The following ZNF396 variants were observed in gnomAD, a reference collection of about 807,000 sequenced individuals.
ZNF396 encodes zinc finger and SCAN domain-containing protein 14.
A neutral mutation model predicts 20.5 loss-of-function variants in ZNF396; 14 were observed. The observed-to-expected ratio is 0.68, with a 90% CI of 0.45 to 1.07. The LOEUF is 1.07. ZNF396 is among the 50% of genes least tolerant of loss of function. The probability of loss-of-function intolerance (pLI) is 0.00; values close to 1 mark genes in which losing one functional copy is unlikely to be tolerated. For missense variants in ZNF396, 347 were observed against 390.1 expected, an observed-to-expected ratio of 0.89 and a Z score of 0.93; for synonymous variants, 119 against 140.6, an observed-to-expected ratio of 0.85 and a Z score of 1.08.
At chr18:35,372,094 A>G (rs1348389937) in intron 3 of ZNF396, 1 of 152,132 alleles carries the variant, frequency 6.6e-6, no homozygotes, top group Non-Finnish European at 1.5e-5. Context: ...TCTGCCTTGT[A>G]CTGCAAGATC....
chr18:35,370,756 G>A (rs964872045), intron 3 of ZNF396, among the ~76,000 whole-genome samples: 5 of 151,772 alleles, frequency 3.3e-5, no homozygotes, highest in East Asian at 1.9e-4. Flanking sequence ...CTCGTGATCC[G>A]CCCGCCTCGG....
Position 35,368,403 on chromosome 18 carries a change from A to T in ZNF396, c.*812T>A. The T allele has an allele frequency of 6.9e-7, 1 of 1,457,214 alleles. No homozygotes were observed. Among genetic ancestry groups the T allele is most frequent in the Non-Finnish European group, 9.1e-7 (1 of 1,097,408 alleles). The allele number at this position is 1,457,214 out of a possible 1,614,324, so 90.3% of individuals were successfully genotyped here. A position where few individuals can be genotyped will look rare whatever the true frequency, so the allele number is the denominator to read the frequency against. ...GCACTTCAGCCTAGTCTTGAAGTAC[A>T]TATTCTTTTGGGCCTCTGCAATCGC... On this transcript the variant is annotated 3_prime_UTR_variant, in exon 4 of 4. Coordinates refer to ENST00000589332, the MANE Select transcript of ZNF396 (RefSeq NM_001322286.2).
intron 3 of ZNF396, among the ~76,000 whole-genome samples, 166 bp from the exon 4 acceptor site, chr18:35,369,826 C>G (rs901569339): frequency 6.6e-6 from 1 of 152,040 alleles, no homozygotes; most frequent in South Asian, 2.1e-4. Flanking sequence ...GGTTTACATA[C>G]TGAGGAGGCA....
chr18:35,367,814 T>C lies in ZNF396; in HGVS notation c.*1401A>G, dbSNP rs1188454670. ...AAGGGACTGCAGTGGACCCTTTAAA[T>C]TGAACTTCAGTGATTTGTCCATATG... is the stretch of plus-strand genomic sequence containing the variant. On this transcript the variant is annotated 3_prime_UTR_variant, in exon 4 of 4. Transcript: ENST00000589332. The C allele has an allele frequency of 1.3e-5, 2 of 152,238 alleles. No homozygotes were observed. Among genetic ancestry groups the C allele is most frequent in the Non-Finnish European group, 2.9e-5 (2 of 68,048 alleles). 9.4% of individuals were successfully genotyped at this position (152,238 alleles called of 1,614,324 possible).
intron 1 of ZNF396, among the ~76,000 whole-genome samples, chr18:35,376,584 A>G (rs1473669905): frequency 1.3e-5 from 2 of 152,178 alleles, no homozygotes; most frequent in Non-Finnish European, 2.9e-5. Context: ...GGCGGCAGGC[A>G]GCCGCGCTCC....
intron 3 of ZNF396, 92 bp from the exon 4 acceptor site, chr18:35,369,752 C>A: frequency 7.7e-7 from 1 of 1,306,836 alleles, no homozygotes; most frequent in South Asian, 1.5e-5. Context: ...TAAAACAACA[C>A]ACAATGTGAA....
chr18:35,370,701 G>C (rs2143897896), intron 3 of ZNF396, among the ~76,000 whole-genome samples: 1 of 151,074 alleles, frequency 6.6e-6, no homozygotes, highest in Middle Eastern at 3.4e-3. Flanking sequence ...TTTTAGTAGA[G>C]ACGGGGTTTC....
intron 2 of ZNF396, 109 bp from the exon 3 acceptor site, chr18:35,373,709 G>A (rs982763174): frequency 6.6e-7 from 1 of 1,513,090 alleles, no homozygotes; most frequent in Non-Finnish European, 8.9e-7. Context: ...GGAAAAGGGA[G>A]GGAAAAAGTA....
chr18:35,373,581 T>C lies in ZNF396; in HGVS notation c.437A>G (p.Lys146Arg). The C allele has an allele frequency of 2.5e-6, 4 of 1,614,078 alleles. No homozygotes were observed. Among genetic ancestry groups the C allele is most frequent in the Non-Finnish European group, 2.5e-6 (3 of 1,179,982 alleles). Residue 146 changes from lysine to arginine, a missense_variant, in exon 3 of 4, where the codon AAG becomes AGG. Lys to Arg is a conservative substitution (Grantham distance 26, BLOSUM62 2). Transcript: ENST00000589332. Reference protein sequence around the residue: ...GPKQIFFGRRKDMIAEKLAPS... With the variant: ...GPKQIFFGRRRDMIAEKLAPS... The stretch of plus-strand genomic sequence containing the variant: ...TGCTAGCTTCTCTGCAATCATGTCC[T>C]TCCTTCGTCCAAAAAAGATCTAAAA...
At position 35,367,122 on chromosome 18, in the gene ZNF396, G is replaced by C. The variant is rs2045107298; in HGVS notation, c.*2093C>G. 1 of 152,110 alleles carries C rather than the reference G, an allele frequency of 6.6e-6. No individual in the cohort carries two copies. The highest frequency in any genetic ancestry group is 1.5e-5 in the Non-Finnish European group (1 of 68,024). The allele number at this position is 152,110 out of a possible 1,614,324, so 9.4% of individuals were successfully genotyped here. A position where few individuals can be genotyped will look rare whatever the true frequency, so the allele number is the denominator to read the frequency against. On this transcript the variant is annotated 3_prime_UTR_variant, in exon 4 of 4. Coordinates refer to ENST00000589332, the MANE Select transcript of ZNF396 (RefSeq NM_001322286.2). ...CACTTGTTGTTTCAATAGATGGTTT[G>C]TTCCTCTCCGTAATTACAAAGACAA...
At chr18:35,375,500 CA>C (rs574035031) in intron 1 of ZNF396, among the ~76,000 whole-genome samples, 73 of 152,102 alleles carry the variant, frequency 4.8e-4, no homozygotes, top group African/African-American at 1.7e-3. Context: ...AAGCATGTCC[CA>C]AGGCCTCTGC....
In ZNF396 at chr18:35,369,583, C is replaced by T; in HGVS notation, c.640G>A (p.Val214Ile). The T allele has an allele frequency of 1.2e-6, 2 of 1,614,174 alleles. No individual in the cohort carries two copies. Among genetic ancestry groups the T allele is most frequent in the South Asian group, 1.1e-5 (1 of 91,074 alleles). The stretch of plus-strand genomic sequence containing the variant: ...CCATTCATATGAAGGATATTGGAAA[C>T]ATTGCAATGCAGTTCTATGCCTAAA... ...TSLGIELHCN[V>I]SNILHMNGSQ... The change falls in exon 4 of 4, where the codon GTT becomes ATT. Residue 214 changes from valine to isoleucine, a missense_variant. Physicochemically the swap from Val to Ile is conservative, Grantham distance 29. Coordinates refer to ENST00000589332, the MANE Select transcript of ZNF396 (RefSeq NM_001322286.2).
intron 2 of ZNF396, 33 bp downstream of exon 2, chr18:35,373,843 C>T: frequency 6.3e-7 from 1 of 1,584,904 alleles, no homozygotes; most frequent in Non-Finnish European, 8.6e-7. Context: ...TTGACTCAGC[C>T]TGGGGGTTCA....
intron 1 of ZNF396, among the ~76,000 whole-genome samples, chr18:35,376,870 G>T (rs1369378806): frequency 6.6e-6 from 1 of 152,162 alleles, no homozygotes; most frequent in Non-Finnish European, 1.5e-5. Flanking sequence ...GGACGCAGGG[G>T]TCTTTCTGCA....
chr18:35,368,988 A>G lies in ZNF396; in HGVS notation c.*227T>C. On this transcript the variant is annotated 3_prime_UTR_variant, in exon 4 of 4. Transcript: ENST00000589332. ...GGCCTGCATAGGGATGGAAATCTGA[A>G]TTAAGCTTTGGAATTGCAAACGTCA... 1 of 1,314,308 alleles carries G rather than the reference A, an allele frequency of 7.6e-7. No individual in the cohort carries two copies. The highest frequency in any genetic ancestry group is 9.6e-7 in the Non-Finnish European group (1 of 1,037,016). The allele number at this position is 1,314,308 out of a possible 1,614,324, so 81.4% of individuals were successfully genotyped here. A position where few individuals can be genotyped will look rare whatever the true frequency, so the allele number is the denominator to read the frequency against.
intron 3 of ZNF396, chr18:35,372,242 A>C (rs1287392091): frequency 6.6e-6 from 1 of 152,110 alleles, no homozygotes; most frequent in Non-Finnish European, 1.5e-5. Flanking sequence ...TGTAGTCACC[A>C]CCACACCAAG....
chr18:35,374,749 G>T lies in ZNF396; in HGVS notation c.-72-385C>A. ...TGACCTCAGGTGATCCACCCGCCTT[G>T]GCCTCCTGAGGTGCTGGGATTACAG... is the stretch of plus-strand genomic sequence containing the variant. On this transcript the variant is annotated intron_variant, in intron 1 of 3. Transcript: ENST00000589332. The surrounding 1 kb of genome is among the most constrained non-coding windows in gnomAD (Gnocchi z 4.3). The T allele has an allele frequency of 6.3e-6, 1 of 157,740 alleles. No homozygotes were observed. The highest frequency in any genetic ancestry group is 1.8e-4 in the South Asian group (1 of 5,524). 9.8% of individuals were successfully genotyped at this position (157,740 alleles called of 1,614,324 possible).
At position 35,367,290 on chromosome 18, in the gene ZNF396, A is replaced by C. The variant is rs916927227; in HGVS notation, c.*1925T>G. The C allele has an allele frequency of 6.6e-5, 10 of 152,318 alleles. No homozygotes were observed. Among genetic ancestry groups the C allele is most frequent in the Non-Finnish European group, 1.3e-4 (9 of 68,022 alleles). 9.4% of individuals were successfully genotyped at this position (152,318 alleles called of 1,614,324 possible). A position where few individuals can be genotyped will look rare whatever the true frequency, so the allele number is the denominator to read the frequency against. On this transcript the variant is annotated 3_prime_UTR_variant, in exon 4 of 4. Coordinates refer to ENST00000589332, the MANE Select transcript of ZNF396 (RefSeq NM_001322286.2). The stretch of plus-strand genomic sequence containing the variant: ...AAAATTTACATTCACTTCTCCTCCT[A>C]CTAATCTTACATTTATCAGCATACT...
chr18:35,369,613 T>G lies in ZNF396; in HGVS notation c.610A>C (p.Thr204Pro). The change falls in exon 4 of 4, where the codon ACT (threonine) becomes CCT (proline). Residue 204 changes from threonine to proline, a missense_variant. Coordinates refer to ENST00000589332, the MANE Select transcript of ZNF396 (RefSeq NM_001322286.2). ...TNVKSASRQK[T>P]SLGIELHCNV... ...CAATGCAGTTCTATGCCTAAAGAAG[T>G]CTTTTGCCTTGAAGCAGATTTCACA... 2 of 1,608,618 alleles carry G rather than the reference T, an allele frequency of 1.2e-6. No individual in the cohort carries two copies. The highest frequency in any genetic ancestry group is 8.5e-7 in the Non-Finnish European group (1 of 1,178,446).
Sources: allele counts gnomAD v4.1 joint callset (sites outside exome capture counted in the v4.1 genomes callset), GRCh38; gene constraint gnomAD v4.1.1; non-coding constraint Gnocchi (gnomAD v3.1); transcripts MANE v1.5; gene names NCBI Gene and HGNC (gene_info 2026-07-23, HGNC 2026-07-21).